DNAH11: variants seen among roughly 807,000 people sequenced by gnomAD.
DNAH11 encodes the protein dynein axonemal heavy chain 11.
A neutral mutation model predicts 526.0 loss-of-function variants in DNAH11; 442 were observed. The observed-to-expected ratio is 0.84, with a 90% CI of 0.78 to 0.91. DNAH11 has a LOEUF of 0.91. DNAH11 is among the 40% of genes least tolerant of loss of function. The pLI, the probability that DNAH11 is intolerant of heterozygous loss-of-function variation, is 0.00. For synonymous variants in DNAH11, 2,461 were observed against 1,935.9 expected, an observed-to-expected ratio of 1.27 and a Z score of -7.12; for missense variants, 6,989 against 5,448.7, an observed-to-expected ratio of 1.28 and a Z score of -8.90.
chr7:21,660,547 TAAAG>T (rs1251157773), intron 30 of DNAH11, among the ~76,000 whole-genome samples: 2 of 151,862 alleles, frequency 1.3e-5, no homozygotes, highest in Non-Finnish European at 2.9e-5. Flanking sequence ...TTAAAGATGA[TAAAG>T]AAAATACAGT....
intron 64 of DNAH11, 90 bp from the exon 65 acceptor site, chr7:21,818,127 C>T: frequency 7.6e-7 from 1 of 1,308,844 alleles, no homozygotes; most frequent in Non-Finnish European, 1.0e-6. Flanking sequence ...TTTAGAATAT[C>T]TACATTAAAT....
In DNAH11 at chr7:21,834,488, G is replaced by C. The variant is rs138487303; in HGVS notation, c.10692-8056G>C. Among the ~76,000 whole-genome samples the C allele has an allele frequency of 2.6e-3, 401 of 152,052 alleles. 1 individual carries two copies. Among genetic ancestry groups the C allele is most frequent in the African/African-American group, 9.3e-3 (385 of 41,498 alleles). On this transcript the variant is annotated intron_variant, in intron 65 of 81. Coordinates refer to ENST00000409508, the MANE Select transcript of DNAH11 (RefSeq NM_001277115.2). ...AGAATAAAAGAAGTAATGAAGATCA[G>C]AATAGAAAAAACAAAATAGAGAATA...
chr7:21,601,349 T>G, intron 17 of DNAH11, 47 bp from the exon 18 acceptor site: 1 of 1,550,674 alleles, frequency 6.4e-7, no homozygotes, highest in Non-Finnish European at 8.8e-7. Flanking sequence ...GCTAAATGTT[T>G]TAATAAACTT....
chr7:21,895,127 A>G, intron 79 of DNAH11, 128 bp downstream of exon 79: 1 of 738,700 alleles, frequency 1.4e-6, no homozygotes, highest in Admixed American at 3.0e-5. Flanking sequence ...TAACCGTAAA[A>G]AATTCTTCCA....
intron 49 of DNAH11, 140 bp from the exon 50 acceptor site, chr7:21,744,298 A>G (rs1786047134): frequency 1.0e-6 from 1 of 970,298 alleles, no homozygotes; most frequent in Admixed American, 2.4e-5. Flanking sequence ...CTACTTTTAT[A>G]CACGAACACG....
chr7:21,763,086 G>A (rs988270768), intron 54 of DNAH11, among the ~76,000 whole-genome samples: 1 of 152,150 alleles, frequency 6.6e-6, no homozygotes, highest in Non-Finnish European at 1.5e-5. Flanking sequence ...GCTCACGCCT[G>A]TAATCCCAGC....
intron 14 of DNAH11, among the ~76,000 whole-genome samples, chr7:21,598,113 C>G (rs906035743): frequency 5.3e-5 from 8 of 152,176 alleles, no homozygotes; most frequent in Admixed American, 4.6e-4. Flanking sequence ...ACCTTTGCAT[C>G]CTGGATCATA....
At chr7:21,663,757 CT>C (rs34243043) in intron 30 of DNAH11, among the ~76,000 whole-genome samples, 4,017 of 145,696 alleles carry the variant, frequency 0.028, 138 homozygotes, top group East Asian at 0.14. Context: ...ACAGGATTTC[CT>C]TTTTTTTTTT....
At chr7:21,782,148 C>A (rs1251414719) in intron 57 of DNAH11, among the ~76,000 whole-genome samples, 1 of 152,178 alleles carries the variant, frequency 6.6e-6, no homozygotes, top group African/African-American at 2.4e-5. Context: ...TCTTTATTCT[C>A]TCCCTGTGAT....
chr7:21,841,402 G>A (rs1468024544), intron 65 of DNAH11, among the ~76,000 whole-genome samples: 1 of 152,064 alleles, frequency 6.6e-6, no homozygotes, highest in African/African-American at 2.4e-5. Flanking sequence ...AGCTGGCCCT[G>A]AAATAACATA....
intron 30 of DNAH11, among the ~76,000 whole-genome samples, chr7:21,666,277 A>G (rs1782418071): frequency 6.6e-6 from 1 of 152,096 alleles, no homozygotes; most frequent in Non-Finnish European, 1.5e-5. Context: ...CTTTGAAAAA[A>G]GTGGCAAGTA....
At chr7:21,688,021 C>T (rs1432056755) in intron 34 of DNAH11, among the ~76,000 whole-genome samples, 1 of 152,158 alleles carries the variant, frequency 6.6e-6, no homozygotes, top group Non-Finnish European at 1.5e-5. Flanking sequence ...GTGTTCGTGC[C>T]ACCGTGCTCC....
chr7:21,683,882 C>G lies in DNAH11; in HGVS notation c.5559C>G (p.Phe1853Leu), dbSNP rs770237717. 6.2e-7 allele frequency: 1 copy of G among 1,613,762 alleles called. No individual in the cohort carries two copies. The highest frequency in any genetic ancestry group is 8.5e-7 in the Non-Finnish European group (1 of 1,179,732). Residue 1853 changes from phenylalanine to leucine, a missense_variant, in exon 32 of 82, where the codon TTC (phenylalanine) becomes TTG (leucine). Transcript: ENST00000409508. Reference protein sequence around the residue: ...HCFVNICDAQFQYFYEYLGNS... With the variant: ...HCFVNICDAQLQYFYEYLGNS... The stretch of plus-strand genomic sequence containing the variant: ...TTGTTAATATTTGTGATGCCCAGTT[C>G]CAGTACTTCTATGAATACTTAGGAA...
intron 63 of DNAH11, among the ~76,000 whole-genome samples, chr7:21,814,192 A>G (rs1429335620): frequency 1.3e-5 from 2 of 152,216 alleles, no homozygotes; most frequent in African/African-American, 4.8e-5. Flanking sequence ...GTACACCTGC[A>G]TAGAACACCT....
At chr7:21,705,330 T>G in intron 38 of DNAH11, 130 bp from the exon 39 acceptor site, 1 of 801,442 alleles carries the variant, frequency 1.2e-6, no homozygotes, top group East Asian at 2.8e-5. Flanking sequence ...ATTTTAACTT[T>G]CTCTGAACAT....
chr7:21,821,175 T>C (rs557452487), intron 65 of DNAH11, among the ~76,000 whole-genome samples: 1 of 152,294 alleles, frequency 6.6e-6, no homozygotes, highest in Non-Finnish European at 1.5e-5. Flanking sequence ...TATGGAGAGA[T>C]GTATATAGGA....
At chr7:21,848,304 G>T (rs76109385) in intron 66 of DNAH11, among the ~76,000 whole-genome samples, 4 of 150,632 alleles carry the variant, frequency 2.7e-5, no homozygotes, top group Admixed American at 2.6e-4. Flanking sequence ...GCTTTCTTTC[G>T]ATTAGTGTTA....
intron 66 of DNAH11, among the ~76,000 whole-genome samples, chr7:21,844,284 A>T (rs117146188): frequency 1.3e-5 from 2 of 152,094 alleles, no homozygotes; most frequent in African/African-American, 4.8e-5. Flanking sequence ...AAATTAGCCA[A>T]GTGTGGTGGT....
rs147422947 is a variant in DNAH11, at chr7:21,837,031, A to G, written c.10692-5513A>G. 3.3e-5 allele frequency among the ~76,000 whole-genome samples: 5 copies of G among 152,282 alleles called. No homozygotes were observed. In the East Asian group the frequency reaches 9.7e-4, roughly 29 times the overall value. ...AATTATCAGGGAAATGCAAATCAAA[A>G]CCATAATGAAATATCATTTCACCCC... On this transcript the variant is annotated intron_variant, in intron 65 of 81. Transcript: ENST00000409508.
Sources: gnomAD v4.1 joint callset for allele counts (sites outside exome capture counted in the v4.1 genomes callset) on GRCh38, gnomAD v4.1.1 for gene constraint, MANE v1.5 for transcripts, NCBI Gene and HGNC (gene_info 2026-07-23, HGNC 2026-07-21) for gene names.